The following PRKN variants were observed in gnomAD, a reference collection of about 807,000 sequenced individuals.
The protein encoded by PRKN is E3 ubiquitin-protein ligase parkin.
Under a neutral mutation model 59.5 loss-of-function variants are expected in PRKN, and 56 were observed. The ratio of observed to expected loss-of-function variants is 0.94; its 90% CI spans 0.76 to 1.18. The LOEUF (loss-of-function observed/expected upper bound fraction) is 1.18, where lower values mean the gene tolerates loss of function less well. Ranked by LOEUF, PRKN falls within the 50% of genes most tolerant of loss-of-function variation. The pLI is 0.00. For missense variants in PRKN, 657 were observed against 596.4 expected (o/e 1.10, Z -1.06); for synonymous variants, 250 against 222.1 (o/e 1.13, Z -1.12).
intron 7 of PRKN, among the ~76,000 whole-genome samples, chr6:161,719,768 A>G (rs1787142111): frequency 6.6e-6 from 1 of 152,186 alleles, no homozygotes; most frequent in African/African-American, 2.4e-5. Flanking sequence ...CTGGGACTAC[A>G]GACATGCACC....
intron 4 of PRKN, among the ~76,000 whole-genome samples, chr6:162,057,392 A>G (rs1777910106): frequency 6.6e-6 from 1 of 152,228 alleles, no homozygotes; most frequent in African/African-American, 2.4e-5. Flanking sequence ...GCTGGAGAGA[A>G]AACAGAAAAG....
chr6:161,702,588 T>C, intron 7 of PRKN, among the ~76,000 whole-genome samples: 1 of 151,994 alleles, frequency 6.6e-6, no homozygotes, highest in Non-Finnish European at 1.5e-5. Flanking sequence ...TGAGTGTCAG[T>C]CTGGGAAGAT....
rs373871165 is a variant in PRKN at position 162,414,709 on chromosome 6, T to TGAAAAAAAAAAAAAAAAA, written c.171+28600_171+28601insTTTTTTTTTTTTTTTTTC. 6.4e-3 allele frequency among the ~76,000 whole-genome samples: 286 copies of TGAAAAAAAAAAAAAAAAA among 44,504 alleles called. 62 individuals are homozygous for TGAAAAAAAAAAAAAAAAA. Among genetic ancestry groups the TGAAAAAAAAAAAAAAAAA allele is most frequent in the African/African-American group, 7.8e-3 (49 of 6,322 alleles). The allele number at this position is 44,504 out of a possible 152,430, so 29.2% of individuals were successfully genotyped here. The stretch of plus-strand genomic sequence containing the variant: ...CTGGTCAACTGAGCAAGACTCCGTC[T>TGAAAAAAAAAAAAAAAAA]CAAAAAAAAAAAAAAAAAGTGAATC... On this transcript the variant is annotated intron_variant, in intron 2 of 11. Transcript: ENST00000366898.
intron 1 of PRKN, among the ~76,000 whole-genome samples, chr6:162,560,862 A>AAAAAAAAAAAAAAAAAAAAAAT: frequency 6.6e-6 from 1 of 150,704 alleles, no homozygotes; most frequent in Non-Finnish European, 1.5e-5. Context: ...GCAAAAAAAA[A>AAAAAAAAAAAAAAAAAAAAAAT]AAAAACCCAG....
At chr6:162,527,276 G>A (rs1269910364) in intron 1 of PRKN, among the ~76,000 whole-genome samples, 1 of 152,152 alleles carries the variant, frequency 6.6e-6, no homozygotes, top group Non-Finnish European at 1.5e-5. Context: ...CAAGCAAGAC[G>A]CATAGTTACA....
At position 161,399,873 on chromosome 6, in the gene PRKN, G is replaced by T. The variant is rs1051511761; in HGVS notation, c.1084-12996C>A. ...ATGGTCTAGTAGCTATATGAAAAGA[G>T]GAAAAAGAAACAAGTAAAATTAATT... On this transcript the variant is annotated intron_variant, in intron 9 of 11. Coordinates refer to ENST00000366898, the MANE Select transcript of PRKN (RefSeq NM_004562.3). This position sits in a 1 kb window ranked among gnomAD's most constrained non-coding sequence, Gnocchi z 4.4. Among the ~76,000 whole-genome samples the T allele has an allele frequency of 1.3e-5, 2 of 151,584 alleles. No individual in the cohort carries two copies. Among genetic ancestry groups the T allele is most frequent in the Admixed American group, 6.6e-5 (1 of 15,228 alleles).
chr6:161,705,233 G>A (rs75409976), intron 7 of PRKN, among the ~76,000 whole-genome samples: 3,618 of 152,206 alleles, frequency 0.024, 146 homozygotes, highest in African/African-American at 0.082. Context: ...TCAAAAATGC[G>A]TTTAATACAC....
Position 161,771,396 on chromosome 6 carries a change from A to AAAAAT in PRKN, c.871+14375_871+14376insATTTT, listed in dbSNP as rs1562671030. ...ATAAAATAAAATAAAATAAAATAAA[A>AAAAAT]TAAAAGCACTGCTGTGCTTGAGCCA... On this transcript the variant is annotated intron_variant, in intron 7 of 11. Transcript: ENST00000366898. Among the ~76,000 whole-genome samples the AAAAAT allele has an allele frequency of 4.0e-5, 6 of 148,382 alleles. 1 individual carries two copies. In the South Asian group the frequency reaches 1.1e-3, roughly 27 times the overall value.
chr6:161,604,661 T>C (rs1782214954), intron 7 of PRKN, among the ~76,000 whole-genome samples: 1 of 152,122 alleles, frequency 6.6e-6, no homozygotes, highest in Non-Finnish European at 1.5e-5. Context: ...TTGGCAAGCA[T>C]GAACGGTTCA....
At chr6:161,676,266 C>T (rs57642891) in intron 7 of PRKN, among the ~76,000 whole-genome samples, 17,323 of 152,116 alleles carry the variant, frequency 0.11, 1,528 homozygotes, top group African/African-American at 0.25. Flanking sequence ...GTTCTTGAGT[C>T]TCTTTTAATC....
At chr6:162,705,099 A>C (rs1167925198) in intron 1 of PRKN, among the ~76,000 whole-genome samples, 2 of 152,232 alleles carry the variant, frequency 1.3e-5, no homozygotes, top group African/African-American at 4.8e-5. Flanking sequence ...AGACTTTAGT[A>C]ATAACTACTA....
intron 5 of PRKN, among the ~76,000 whole-genome samples, chr6:161,995,589 G>C (rs1781811797): frequency 1.3e-5 from 2 of 151,932 alleles, no homozygotes; most frequent in South Asian, 4.1e-4. Flanking sequence ...ATCAAAAAGT[G>C]AGCAAAAGGT....
intron 4 of PRKN, among the ~76,000 whole-genome samples, chr6:162,095,254 G>T (rs1779676920): frequency 1.3e-5 from 2 of 151,974 alleles, no homozygotes. Flanking sequence ...CCACTACAGA[G>T]ATAGGTTAGT....
At position 162,291,887 on chromosome 6, in the gene PRKN, G is replaced by A. The variant is rs545106098; in HGVS notation, c.172-29122C>T. ...TTCTAATATAGAGCAAACCTGATGA[G>A]TCATTTTCTAAGTGAGCAGCCACTT... On this transcript the variant is annotated intron_variant, in intron 2 of 11. Coordinates refer to ENST00000366898, the MANE Select transcript of PRKN (RefSeq NM_004562.3). Among the ~76,000 whole-genome samples the A allele has an allele frequency of 3.3e-5, 5 of 151,702 alleles. No homozygotes were observed. In the East Asian group the frequency reaches 5.8e-4, roughly 18 times the overall value.
chr6:162,278,088 A>G (rs1780715022), intron 2 of PRKN, among the ~76,000 whole-genome samples: 1 of 152,186 alleles, frequency 6.6e-6, no homozygotes, highest in Non-Finnish European at 1.5e-5. Flanking sequence ...ATTGAGCACT[A>G]AAGAGAAATG....
intron 9 of PRKN, among the ~76,000 whole-genome samples, chr6:161,507,643 A>G (rs1005296944): frequency 1.2e-4 from 18 of 151,580 alleles, no homozygotes; most frequent in African/African-American, 3.6e-4. Context: ...CCTTCCCCCT[A>G]CCCTCCATTC....
chr6:162,310,634 T>C (rs952144585), intron 2 of PRKN, among the ~76,000 whole-genome samples: 6 of 151,938 alleles, frequency 3.9e-5, no homozygotes, highest in Admixed American at 2.0e-4. Context: ...TTAGGAGATA[T>C]ACCTAATGTA....
rs1313766503 is a variant in PRKN at position 161,362,203 on chromosome 6, C to T, written c.1168-1998G>A. Among the ~76,000 whole-genome samples, 1 of 152,184 alleles carries T rather than the reference C, an allele frequency of 6.6e-6. No individual in the cohort carries two copies. Among genetic ancestry groups the T allele is most frequent in the Non-Finnish European group, 1.5e-5 (1 of 68,030 alleles). The stretch of plus-strand genomic sequence containing the variant: ...TGAAGGGCAATTTCTCCCAGGTCCA[C>T]ACACCTAAAAATGCTGGATCAAATA... On this transcript the variant is annotated intron_variant, in intron 10 of 11. Coordinates refer to ENST00000366898, the MANE Select transcript of PRKN (RefSeq NM_004562.3). This position sits in a 1 kb window ranked among gnomAD's most constrained non-coding sequence, Gnocchi z 5.2.
At chr6:161,425,345 T>C (rs1173920779) in intron 9 of PRKN, among the ~76,000 whole-genome samples, 1 of 152,184 alleles carries the variant, frequency 6.6e-6, no homozygotes, top group Admixed American at 6.5e-5. Context: ...ACATCAAAAA[T>C]GCACCTCCTG....
Sources: allele counts gnomAD v4.1 joint callset (sites outside exome capture counted in the v4.1 genomes callset), GRCh38; gene constraint gnomAD v4.1.1; non-coding constraint Gnocchi (gnomAD v3.1); transcripts MANE v1.5; gene names NCBI Gene and HGNC (gene_info 2026-07-23, HGNC 2026-07-21).